SPATA17: variants seen among roughly 807,000 people sequenced by gnomAD.
SPATA17 encodes spermatogenesis-associated protein 17.
Under a neutral mutation model 62.2 loss-of-function variants are expected in SPATA17, and 53 were observed. That is an observed-to-expected ratio of 0.85 (90% CI 0.68 to 1.07). The LOEUF (loss-of-function observed/expected upper bound fraction) is 1.07. SPATA17 is among the 50% of genes least tolerant of loss of function. The pLI is 0.00. For missense variants in SPATA17, 466 were observed against 425.5 expected, an observed-to-expected ratio of 1.10 and a Z score of -0.84; for synonymous variants, 146 against 146.8, an observed-to-expected ratio of 0.99 and a Z score of 0.04.
chr1:217,671,922 A>G (rs1372287878), intron 4 of SPATA17, among the ~76,000 whole-genome samples: 4 of 152,206 alleles, frequency 2.6e-5, no homozygotes, highest in Non-Finnish European at 5.9e-5. Context: ...ACTATGTGCT[A>G]TTTCATGTTC....
chr1:217,775,120 C>A (rs765783854), intron 7 of SPATA17, among the ~76,000 whole-genome samples: 7 of 152,184 alleles, frequency 4.6e-5, no homozygotes, highest in Non-Finnish European at 7.3e-5. Context: ...ATCAACAGGG[C>A]ACAAGGGTTC....
chr1:217,690,094 G>A (rs1437044429), intron 5 of SPATA17, among the ~76,000 whole-genome samples: 2 of 151,886 alleles, frequency 1.3e-5, no homozygotes, highest in Non-Finnish European at 2.9e-5. Flanking sequence ...GTAGAGACAG[G>A]GTTTCACCAT....
chr1:217,834,271 G>A (rs914265706), intron 9 of SPATA17, among the ~76,000 whole-genome samples: 1 of 152,082 alleles, frequency 6.6e-6, no homozygotes, highest in South Asian at 2.1e-4. Context: ...ATGTTATTGG[G>A]TTACATATTT....
At chr1:217,796,133 C>A (rs551582434) in intron 8 of SPATA17, among the ~76,000 whole-genome samples, 6 of 152,192 alleles carry the variant, frequency 3.9e-5, no homozygotes, top group Non-Finnish European at 7.4e-5. Flanking sequence ...TATCTAAGTT[C>A]ATCATTTTTA....
intron 6 of SPATA17, among the ~76,000 whole-genome samples, chr1:217,772,688 T>TA (rs1214811482): frequency 1.3e-5 from 2 of 152,196 alleles, no homozygotes; most frequent in East Asian, 3.8e-4. Flanking sequence ...TGTGCGTTGT[T>TA]ATTCTAGATA....
chr1:217,658,157 A>G (rs1461487252), intron 3 of SPATA17, among the ~76,000 whole-genome samples: 1 of 151,952 alleles, frequency 6.6e-6, no homozygotes, highest in Non-Finnish European at 1.5e-5. Context: ...TCTAAATCTC[A>G]TGTTGAAATA....
chr1:217,701,301 A>ATG (rs761293392), intron 5 of SPATA17, among the ~76,000 whole-genome samples: 2,787 of 149,576 alleles, frequency 0.019, 74 homozygotes, highest in African/African-American at 0.057. Flanking sequence ...GTGTGTGTAT[A>ATG]TGTGTGTGTG....
chr1:217,842,554 A>G (rs1343362028), intron 9 of SPATA17, among the ~76,000 whole-genome samples: 1 of 151,834 alleles, frequency 6.6e-6, no homozygotes. Flanking sequence ...AAATTTTCAA[A>G]TTTATTGGCA....
intron 3 of SPATA17, among the ~76,000 whole-genome samples, chr1:217,660,846 G>T (rs2102890717): frequency 6.6e-6 from 1 of 152,312 alleles, no homozygotes; most frequent in Non-Finnish European, 1.5e-5. Context: ...CAGCAAAGCT[G>T]ATTGATAGTT....
In SPATA17 at chr1:217,801,639, T is replaced by G. The variant is rs75427561; in HGVS notation, c.873-79T>G. 8,079 of 1,212,750 alleles carry G rather than the reference T, an allele frequency of 6.7e-3. 386 individuals are homozygous for G. The African/African-American group carries it at 0.11, about 16-fold the overall frequency. 75.1% of individuals were successfully genotyped at this position (1,212,750 alleles called of 1,614,324 possible). On this transcript the variant is annotated intron_variant, in intron 8 of 10. Transcript: ENST00000366933. ...TTGTATCATTTTCACTGTACTATAG[T>G]ACTTCTACAAAGCCTTATTTTAAAA...
At chr1:217,713,264 T>C (rs911062380) in intron 5 of SPATA17, among the ~76,000 whole-genome samples, 2 of 152,160 alleles carry the variant, frequency 1.3e-5, no homozygotes, top group African/African-American at 2.4e-5. Flanking sequence ...GTTTTTTTTT[T>C]CCTAGTGATT....
intron 9 of SPATA17, among the ~76,000 whole-genome samples, chr1:217,845,092 T>C (rs1675494015): frequency 6.6e-6 from 1 of 152,104 alleles, no homozygotes; most frequent in African/African-American, 2.4e-5. Context: ...TTAGCCTCTT[T>C]TATTCTTTAG....
intron 5 of SPATA17, among the ~76,000 whole-genome samples, chr1:217,718,724 ATCAG>A (rs918030018): frequency 2.0e-5 from 3 of 152,144 alleles, no homozygotes; most frequent in African/African-American, 7.2e-5. Flanking sequence ...GAAGAAAACA[ATCAG>A]TCAATCTTAT....
At chr1:217,788,427 T>C (rs1349213572) in intron 8 of SPATA17, among the ~76,000 whole-genome samples, 2 of 152,194 alleles carry the variant, frequency 1.3e-5, no homozygotes, top group Non-Finnish European at 2.9e-5. Context: ...AACCTGTGAT[T>C]GTTACCTTAT....
chr1:217,682,777 A>C (rs894603781), intron 4 of SPATA17, among the ~76,000 whole-genome samples: 4 of 152,194 alleles, frequency 2.6e-5, no homozygotes, highest in African/African-American at 9.6e-5. Flanking sequence ...GTTAAGGAAG[A>C]ATTAAAATGT....
intron 4 of SPATA17, among the ~76,000 whole-genome samples, chr1:217,678,168 G>A (rs1670995850): frequency 6.7e-6 from 1 of 149,926 alleles, no homozygotes; most frequent in African/African-American, 2.4e-5. Context: ...TATTATCAAG[G>A]AATTTGTTTT....
At chr1:217,817,405 T>C (rs1674745830) in intron 9 of SPATA17, among the ~76,000 whole-genome samples, 1 of 152,074 alleles carries the variant, frequency 6.6e-6, no homozygotes, top group Non-Finnish European at 1.5e-5. Context: ...TCAGCTCTCC[T>C]TCTCCTTCCT....
intron 8 of SPATA17, among the ~76,000 whole-genome samples, chr1:217,794,115 C>CAA (rs376080845): frequency 1.1e-3 from 59 of 54,676 alleles, no homozygotes; most frequent in African/African-American, 3.4e-3. Flanking sequence ...GACTCCGTCA[C>CAA]AAAAAAAAAA....
At chr1:217,715,027 T>G (rs922387855) in intron 5 of SPATA17, among the ~76,000 whole-genome samples, 2 of 152,156 alleles carry the variant, frequency 1.3e-5, no homozygotes, top group African/African-American at 4.8e-5. Context: ...TTGAATCCCT[T>G]AAAAGTGCAA....
Sources: gnomAD v4.1 joint callset for allele counts (sites outside exome capture counted in the v4.1 genomes callset) on GRCh38, gnomAD v4.1.1 for gene constraint, MANE v1.5 for transcripts, NCBI Gene and HGNC (gene_info 2026-07-23, HGNC 2026-07-21) for gene names.